FBXW4: variants seen among roughly 807,000 people sequenced by gnomAD.
The protein encoded by FBXW4 is F-box/WD repeat-containing protein 4.
A neutral mutation model predicts 61.8 loss-of-function variants in FBXW4; 40 were observed. The observed-to-expected ratio is 0.65, with a 90% CI of 0.50 to 0.84. FBXW4 has a LOEUF of 0.84. Among genes scored for constraint, FBXW4 ranks in the 40% least tolerant of loss-of-function variants. The pLI is 0.00. For missense variants in FBXW4, 672 were observed against 753.8 expected (o/e 0.89, Z 1.27); for synonymous variants, 311 against 313.8 (o/e 0.99, Z 0.10).
At chr10:101,638,783 CAG>C (rs1450110847) in intron 5 of FBXW4, among the ~76,000 whole-genome samples, 1 of 152,294 alleles carries the variant, frequency 6.6e-6, no homozygotes, top group Admixed American at 6.5e-5. Context: ...CGGGACTTGA[CAG>C]AGACCCTTTA....
At chr10:101,666,674 T>G (rs1246384236) in intron 5 of FBXW4, among the ~76,000 whole-genome samples, 1 of 152,168 alleles carries the variant, frequency 6.6e-6, no homozygotes, top group Non-Finnish European at 1.5e-5. Context: ...GGAGAGTCTA[T>G]GTACTCTGCT....
chr10:101,692,852 G>C (rs1248608902), intron 1 of FBXW4, among the ~76,000 whole-genome samples: 1 of 151,262 alleles, frequency 6.6e-6, no homozygotes, highest in Non-Finnish European at 1.5e-5. Context: ...GGGAGAAAAA[G>C]AGAAAAAAAT....
At chr10:101,658,946 GGATC>G (rs1564917419) in intron 5 of FBXW4, among the ~76,000 whole-genome samples, 1 of 151,890 alleles carries the variant, frequency 6.6e-6, no homozygotes, top group African/African-American at 2.4e-5. Flanking sequence ...CCACTGGAAC[GGATC>G]AGTGCCATAA....
chr10:101,688,777 A>G (rs192869748), intron 1 of FBXW4, among the ~76,000 whole-genome samples: 56 of 152,342 alleles, frequency 3.7e-4, no homozygotes, highest in Middle Eastern at 6.8e-3. Context: ...CAGTTTCTGC[A>G]GATCAAAGAA....
chr10:101,695,200 T>A (rs1470195836), upstream of FBXW4: 3 of 985,032 alleles, frequency 3.0e-6, no homozygotes, highest in Middle Eastern at 5.2e-4. This position sits in a 1 kb window ranked among gnomAD's most constrained non-coding sequence, Gnocchi z 4.2. Context: ...CCGGGTCACA[T>A]GGGGCGGCGC....
chr10:101,633,299 AG>A (rs912806038), intron 5 of FBXW4, among the ~76,000 whole-genome samples: 7 of 152,324 alleles, frequency 4.6e-5, no homozygotes, highest in Admixed American at 1.3e-4. Flanking sequence ...TCTACTATAA[AG>A]GGGACATCAA....
chr10:101,673,490 T>C lies in FBXW4; in HGVS notation c.1005A>G (p.Gly335=). The C allele has an allele frequency of 6.2e-7, 1 of 1,613,896 alleles. No individual in the cohort carries two copies. The highest frequency in any genetic ancestry group is 1.1e-5 in the South Asian group (1 of 91,074). The change falls in exon 3 of 9, where the codon GGA becomes GGG. Residue 335 remains glycine, a splice_region_variant and synonymous_variant. Transcript: ENST00000331272. ...AAGGAGAAACCTATAGCACTTACCC[T>C]CCTGCACTAACAATATGCGAGTTGG... The part of the protein sequence containing the change: ...VLANSHIVSA[G]GDGKIGIHKI...
At chr10:101,654,618 T>C (rs2064171217) in intron 5 of FBXW4, among the ~76,000 whole-genome samples, 2 of 152,164 alleles carry the variant, frequency 1.3e-5, no homozygotes, top group African/African-American at 2.4e-5. Context: ...AAATCCACCA[T>C]ATAAGAAAAA....
At chr10:101,639,682 T>C (rs182266366) in intron 5 of FBXW4, among the ~76,000 whole-genome samples, 1 of 152,150 alleles carries the variant, frequency 6.6e-6, no homozygotes, top group Non-Finnish European at 1.5e-5. Flanking sequence ...CTCTCTCTGA[T>C]TTAAGCCATG....
chr10:101,660,203 T>C (rs988727041), intron 5 of FBXW4: 6 of 985,190 alleles, frequency 6.1e-6, no homozygotes, highest in Admixed American at 1.2e-4. Flanking sequence ...AACACCGACA[T>C]CCTGACTATT....
rs763592228 is a variant in FBXW4, at chr10:101,611,290, G to T, written c.*1C>A. 1.1e-5 allele frequency: 18 copies of T among 1,613,446 alleles called. No homozygotes were observed. Among genetic ancestry groups the T allele is most frequent in the Non-Finnish European group, 1.4e-5 (17 of 1,179,792 alleles). On this transcript the variant is annotated 3_prime_UTR_variant, in exon 9 of 9. Coordinates refer to ENST00000331272, the MANE Select transcript of FBXW4 (RefSeq NM_022039.4). The surrounding 1 kb of genome is among the most constrained non-coding windows in gnomAD (Gnocchi z 4.9). Reference sequence around the variant, plus strand: ...CCCAGAGGCAGGGGTGGCCCTGACGGTCATGGGTTTTGAAAATCCAGGACG... The same window carrying T: ...CCCAGAGGCAGGGGTGGCCCTGACGTTCATGGGTTTTGAAAATCCAGGACG...
chr10:101,625,130 C>T (rs892134037), intron 5 of FBXW4: 12 of 310,144 alleles, frequency 3.9e-5, no homozygotes, highest in East Asian at 6.6e-5. Context: ...CAGGAGAGAG[C>T]GAGCCTGTCG....
Position 101,694,247 on chromosome 10 carries a change from G to T in FBXW4, c.725+134C>A. The T allele has an allele frequency of 2.4e-6, 2 of 828,280 alleles. No individual in the cohort carries two copies. The highest frequency in any genetic ancestry group is 3.3e-6 in the Non-Finnish European group (2 of 600,722). 51.3% of individuals were successfully genotyped at this position (828,280 alleles called of 1,614,324 possible). ...CCGAGAGTGCTCGGGAAAGGGTGTAGGCGGAGGTCAGGTGTAGGCCTAGAA... is the reference window on the plus strand; with the variant it reads ...CCGAGAGTGCTCGGGAAAGGGTGTATGCGGAGGTCAGGTGTAGGCCTAGAA... On this transcript the variant is annotated intron_variant, in intron 1 of 8. Transcript: ENST00000331272. This position sits in a 1 kb window ranked among gnomAD's most constrained non-coding sequence, Gnocchi z 6.0.
intron 3 of FBXW4, 125 bp from the exon 4 acceptor site, chr10:101,673,172 GC>G: frequency 1.7e-6 from 2 of 1,204,632 alleles, no homozygotes; most frequent in Non-Finnish European, 2.3e-6. Context: ...AGACAATTCA[GC>G]CCAGTAAGGT....
chr10:101,680,296 A>G (rs996110333), intron 1 of FBXW4, among the ~76,000 whole-genome samples: 5 of 152,226 alleles, frequency 3.3e-5, no homozygotes, highest in African/African-American at 1.2e-4. Flanking sequence ...CCCAATTGAA[A>G]TGGGGATAAT....
upstream of FBXW4, chr10:101,695,264 G>T: frequency 1.1e-6 from 1 of 929,924 alleles, no homozygotes; most frequent in Non-Finnish European, 1.3e-6. The surrounding 1 kb of genome is among the most constrained non-coding windows in gnomAD (Gnocchi z 4.2). Flanking sequence ...CCACTTCGGG[G>T]TGCGGGCTGG....
At chr10:101,658,058 C>T (rs935492427) in intron 5 of FBXW4, among the ~76,000 whole-genome samples, 1 of 152,218 alleles carries the variant, frequency 6.6e-6, no homozygotes, top group African/African-American at 2.4e-5. Flanking sequence ...CTAAGACTCA[C>T]TGATTCAGAG....
intron 5 of FBXW4, among the ~76,000 whole-genome samples, chr10:101,635,726 C>A (rs2063995498): frequency 6.6e-6 from 1 of 151,634 alleles, no homozygotes; most frequent in African/African-American, 2.4e-5. Context: ...GTTCCAATTA[C>A]ACAGGAGGGT....
intron 6 of FBXW4, among the ~76,000 whole-genome samples, chr10:101,614,995 G>A (rs1393455955): frequency 6.6e-6 from 1 of 152,146 alleles, no homozygotes; most frequent in Admixed American, 6.5e-5. Flanking sequence ...AACTTTGGGG[G>A]AAAAGGGGAC....
Sources: gnomAD v4.1 joint callset for allele counts (sites outside exome capture counted in the v4.1 genomes callset) on GRCh38, gnomAD v4.1.1 for gene constraint, Gnocchi (gnomAD v3.1) non-coding constraint, MANE v1.5 for transcripts, NCBI Gene and HGNC (gene_info 2026-07-23, HGNC 2026-07-21) for gene names.